Variants in YIPF2 observed in about 807,000 individuals in gnomAD.
YIPF2 encodes Yip1 domain family member 2.
YIPF2 carries 30 observed loss-of-function variants against 38.8 expected under a neutral mutation model. That is an observed-to-expected ratio of 0.77 (90% confidence interval 0.58 to 1.05). YIPF2 has a LOEUF of 1.05. YIPF2 is among the 50% of genes least tolerant of loss of function. The pLI is 0.00. For synonymous variants in YIPF2, 194 were observed against 183.8 expected, an observed-to-expected ratio of 1.06 and a Z score of -0.45; for missense variants, 401 against 409.7, an observed-to-expected ratio of 0.98 and a Z score of 0.18.
In YIPF2 at chr19:10,928,568, G is replaced by A; in HGVS notation, c.-88C>T. The stretch of plus-strand genomic sequence containing the variant: ...CTCGTCGTCCCGTCCCCACAGGTGC[G>A]CTCCGCCCCCCCTCACCTGAGGCCA... On this transcript the variant is annotated 5_prime_UTR_variant, in exon 1 of 10. Coordinates refer to ENST00000586748, the MANE Select transcript of YIPF2 (RefSeq NM_001321439.2). The A allele has an allele frequency of 1.8e-6, 2 of 1,084,478 alleles. No homozygotes were observed. Among genetic ancestry groups the A allele is most frequent in the Non-Finnish European group, 2.5e-6 (2 of 807,604 alleles). 67.2% of individuals were successfully genotyped at this position (1,084,478 alleles called of 1,614,324 possible). A position where few individuals can be genotyped will look rare whatever the true frequency, so the allele number is the denominator to read the frequency against.
chr19:10,925,905 C>CTTTTT (rs1164644174), intron 4 of YIPF2, 132 bp from the exon 5 acceptor site: 17 of 434,420 alleles, frequency 3.9e-5, no homozygotes, highest in Admixed American at 7.7e-5. Context: ...CTTTCCCTCT[C>CTTTTT]TTTTTTTTTT....
rs2074304188 is a variant in YIPF2 at position 10,923,530 on chromosome 19, CGACCACG to C, written c.792_798del (p.Val265CysfsTer84). On this transcript the variant is annotated frameshift_variant, in exon 8 of 10. Coordinates refer to ENST00000586748, the MANE Select transcript of YIPF2 (RefSeq NM_001321439.2). LOFTEE classifies it high-confidence loss of function. ...ATGGCCAGGAGGGCGTGGAGCAGCACGACCACGGACAGCAGCACTGTGGCCACCAGCC... is the reference window on the plus strand; with the variant it reads ...ATGGCCAGGAGGGCGTGGAGCAGCACGACAGCAGCACTGTGGCCACCAGCC... 2 of 1,612,404 alleles carry C rather than the reference CGACCACG, an allele frequency of 1.2e-6. No individual in the cohort carries two copies.
chr19:10,928,549 G>A lies in YIPF2; in HGVS notation c.-69C>T, dbSNP rs566680885. The A allele has an allele frequency of 1.4e-5, 16 of 1,181,560 alleles. 1 individual carries two copies. In the Admixed American group the frequency reaches 5.8e-4, roughly 43 times the overall value. The allele number at this position is 1,181,560 out of a possible 1,614,324, so 73.2% of individuals were successfully genotyped here. A position where few individuals can be genotyped will look rare whatever the true frequency, so the allele number is the denominator to read the frequency against. ...GCACCCACGGAGGCTTGAACTCGTC[G>A]TCCCGTCCCCACAGGTGCGCTCCGC... On this transcript the variant is annotated 5_prime_UTR_variant, in exon 1 of 10. It adds an upstream start codon to the 5' untranslated region. Coordinates refer to ENST00000586748, the MANE Select transcript of YIPF2 (RefSeq NM_001321439.2).
At chr19:10,924,513 T>C (rs2083388260) in intron 5 of YIPF2, among the ~76,000 whole-genome samples, 1 of 152,090 alleles carries the variant, frequency 6.6e-6, no homozygotes, top group Admixed American at 6.5e-5. Flanking sequence ...GCCCCTTCCA[T>C]GTCTGCGTTC....
rs1408379690 is a variant in YIPF2, at chr19:10,922,482, CAA to C, written c.*710_*711del. On this transcript the variant is annotated 3_prime_UTR_variant, in exon 10 of 10. Coordinates refer to ENST00000586748, the MANE Select transcript of YIPF2 (RefSeq NM_001321439.2). ...GCAGGTCCCCCCCCGCCCCCCCACT[CAA>C]GAGTTAGAGCAGGTGGCTGCAGGCC... 12 of 148,094 alleles carry C rather than the reference CAA, an allele frequency of 8.1e-5. No individual in the cohort carries two copies. Among genetic ancestry groups the C allele is most frequent in the Non-Finnish European group, 1.4e-4 (9 of 65,774 alleles). 9.2% of individuals were successfully genotyped at this position (148,094 alleles called of 1,614,324 possible). A position where few individuals can be genotyped will look rare whatever the true frequency, so the allele number is the denominator to read the frequency against.
chr19:10,927,683 C>A lies in YIPF2; in HGVS notation c.226G>T (p.Gly76Ter), dbSNP rs975469763. The change falls in exon 4 of 10, where the codon GGA becomes TGA. Residue 76 changes from glycine to a stop codon, truncating the protein, a stop_gained. Transcript: ENST00000586748. LOFTEE classifies it high-confidence loss of function. ...LQEQQQQQQP[G>*]FWTFSYYQSF... Reference sequence around the variant, plus strand: ...TGATAGTAGCTGAAGGTCCAGAATCCCGGCTGCTGCTGCTGCTGCTGCTCC... The same window carrying A: ...TGATAGTAGCTGAAGGTCCAGAATCACGGCTGCTGCTGCTGCTGCTGCTCC... 1 of 1,613,780 alleles carries A rather than the reference C, an allele frequency of 6.2e-7. No individual in the cohort carries two copies. Among genetic ancestry groups the A allele is most frequent in the Middle Eastern group, 1.6e-4 (1 of 6,062 alleles).
Position 10,928,545 on chromosome 19 carries a change from C to T in YIPF2, c.-65G>A, listed in dbSNP as rs2083462849. ...AACTGCACCCACGGAGGCTTGAACTCGTCGTCCCGTCCCCACAGGTGCGCT... is the reference window on the plus strand; with the variant it reads ...AACTGCACCCACGGAGGCTTGAACTTGTCGTCCCGTCCCCACAGGTGCGCT... On this transcript the variant is annotated 5_prime_UTR_variant, in exon 1 of 10. Coordinates refer to ENST00000586748, the MANE Select transcript of YIPF2 (RefSeq NM_001321439.2). 1 of 1,196,046 alleles carries T rather than the reference C, an allele frequency of 8.4e-7. No homozygotes were observed. Among genetic ancestry groups the T allele is most frequent in the Middle Eastern group, 3.0e-4 (1 of 3,338 alleles). The allele number at this position is 1,196,046 out of a possible 1,614,324, so 74.1% of individuals were successfully genotyped here.
At position 10,924,816 on chromosome 19, in the gene YIPF2, G is replaced by A. The variant is rs374259216; in HGVS notation, c.368-624C>T. On this transcript the variant is annotated intron_variant, in intron 5 of 9. Transcript: ENST00000586748. ...CCAGTCTCTTCTACTTCCCCAGCACGTTCCAGAATCCAGTGCCACTCTCCA... is the reference window on the plus strand; with the variant it reads ...CCAGTCTCTTCTACTTCCCCAGCACATTCCAGAATCCAGTGCCACTCTCCA... 7.6e-5 allele frequency among the ~76,000 whole-genome samples: 9 copies of A among 118,352 alleles called. No homozygotes were observed. In the East Asian group the frequency reaches 2.4e-3, roughly 31 times the overall value. The allele number at this position is 118,352 out of a possible 152,430, so 77.6% of individuals were successfully genotyped here.
rs200753643 is a variant in YIPF2, at chr19:10,928,372, G to A, written c.31+8C>T. 7.6e-5 allele frequency: 102 copies of A among 1,334,112 alleles called. No homozygotes were observed. The Admixed American group carries it at 2.3e-3, about 30-fold the overall frequency. 82.6% of individuals were successfully genotyped at this position (1,334,112 alleles called of 1,614,324 possible). On this transcript the variant is annotated splice_region_variant and intron_variant, in intron 2 of 9. Transcript: ENST00000586748. ...TGGGAGATCCGGCCACGTCGGGGCC[G>A]CACTCACCATGGAAGGTCAGCTCGT... is the stretch of plus-strand genomic sequence containing the variant.
At chr19:10,928,194 G>A (rs546014104) in intron 2 of YIPF2, among the ~76,000 whole-genome samples, 186 bp downstream of exon 2, 3 of 151,686 alleles carry the variant, frequency 2.0e-5, no homozygotes, top group South Asian at 2.1e-4. Context: ...GTCTGGGGAC[G>A]AGAGGCTCGG....
Position 10,924,134 on chromosome 19 carries a change from C to T in YIPF2, c.426G>A (p.Thr142=), listed in dbSNP as rs755113409. 44 of 1,613,598 alleles carry T rather than the reference C, an allele frequency of 2.7e-5. 1 individual carries two copies. Among genetic ancestry groups the T allele is most frequent in the Non-Finnish European group, 3.5e-5 (41 of 1,179,956 alleles). The change falls in exon 6 of 10, where the codon ACG becomes ACA. Residue 142 remains threonine (T), a synonymous_variant. Coordinates refer to ENST00000586748, the MANE Select transcript of YIPF2 (RefSeq NM_001321439.2). ...GGTCCCTCCTCTGGGCCAGCACCAG[C>T]GTCAGGTTGCCAGTGACGGCCAGGA... is the stretch of plus-strand genomic sequence containing the variant. ...AFVLAVTGNL[T]LVLAQRRDPS...
chr19:10,926,932 C>A (rs935443417), intron 4 of YIPF2, among the ~76,000 whole-genome samples: 2 of 152,152 alleles, frequency 1.3e-5, no homozygotes, highest in African/African-American at 4.8e-5. Context: ...TGCACTGGCA[C>A]GATCTTGGCT....
chr19:10,927,211 G>A (rs1163721267), intron 4 of YIPF2, among the ~76,000 whole-genome samples: 1 of 152,070 alleles, frequency 6.6e-6, no homozygotes, highest in East Asian at 1.9e-4. Context: ...GTTTCCCCAT[G>A]TTAGCCAGGC....
Position 10,927,955 on chromosome 19 carries a change from G to C in YIPF2, c.36C>G (p.Phe12Leu), listed in dbSNP as rs1189755214. Reference protein sequence around the residue: ...ASADELTFHEFEEATNLLADT... With the variant: ...ASADELTFHELEEATNLLADT... ...CAGCCAGAAGATTAGTGGCCTCCTCGAATTCTGTGGAGGAGGTATATGGGA... is the reference window on the plus strand; with the variant it reads ...CAGCCAGAAGATTAGTGGCCTCCTCCAATTCTGTGGAGGAGGTATATGGGA... Residue 12 changes from phenylalanine to leucine, a missense_variant, in exon 3 of 10, where the codon TTC (phenylalanine) becomes TTG (leucine). Phe to Leu is a conservative substitution (Grantham distance 22). Coordinates refer to ENST00000586748, the MANE Select transcript of YIPF2 (RefSeq NM_001321439.2). 1 of 1,604,670 alleles carries C rather than the reference G, an allele frequency of 6.2e-7. No individual in the cohort carries two copies. Among genetic ancestry groups the C allele is most frequent in the African/African-American group, 1.3e-5 (1 of 74,726 alleles).
chr19:10,924,193 C>T lies in YIPF2; in HGVS notation c.368-1G>A, dbSNP rs1317091032. ...AACGTGGCACAGATCCAGAAGGGGC[C>T]TGGGGGTAGGGGGCACAGTCAGGGT... On this transcript the variant is annotated splice_acceptor_variant, in intron 5 of 9. Transcript: ENST00000586748. LOFTEE classifies it high-confidence loss of function. The T allele has an allele frequency of 6.2e-7, 1 of 1,609,812 alleles. No individual in the cohort carries two copies. The highest frequency in any genetic ancestry group is 1.7e-5 in the Admixed American group (1 of 59,954).
chr19:10,923,979 T>G lies in YIPF2; in HGVS notation c.505A>C (p.Ile169Leu). 2 of 1,613,130 alleles carry G rather than the reference T, an allele frequency of 1.2e-6. No homozygotes were observed. The highest frequency in any genetic ancestry group is 1.7e-6 in the Non-Finnish European group (2 of 1,179,626). The stretch of plus-strand genomic sequence containing the variant: ...GGCACCAGCCACGCATAGCAGTAGA[T>G]GCTGATGCCTGCCACGGTCACTGGG... Reference protein sequence around the residue: ...FHKVTVAGISIYCYAWLVPLA... With the variant: ...FHKVTVAGISLYCYAWLVPLA... Residue 169 changes from isoleucine to leucine, a missense_variant, in exon 7 of 10, where the codon ATC becomes CTC. By Grantham distance (5) the Ile-to-Leu change is conservative. Transcript: ENST00000586748.
chr19:10,924,022 T>G (rs1297612979), intron 6 of YIPF2, 23 bp from the exon 7 acceptor site: 1 of 1,612,436 alleles, frequency 6.2e-7, no homozygotes. Flanking sequence ...AGGTGAGCAG[T>G]CACCCCCTGT....
rs757352556 is a variant in YIPF2, at chr19:10,927,685, G to GGCTGCT, written c.218_223dup (p.Gln73_Gln74dup). On this transcript the variant is annotated inframe_insertion, in exon 4 of 10. Coordinates refer to ENST00000586748, the MANE Select transcript of YIPF2 (RefSeq NM_001321439.2). ...ATAGTAGCTGAAGGTCCAGAATCCC[G>GGCTGCT]GCTGCTGCTGCTGCTGCTGCTCCTG... 4.3e-5 allele frequency: 70 copies of GGCTGCT among 1,613,508 alleles called. 1 individual carries two copies. Among genetic ancestry groups the GGCTGCT allele is most frequent in the East Asian group, 4.0e-4 (18 of 44,882 alleles).
chr19:10,928,596 T>G lies in YIPF2; in HGVS notation c.-116A>C. The G allele has an allele frequency of 1.1e-6, 1 of 934,414 alleles. No homozygotes were observed. The highest frequency in any genetic ancestry group is 2.0e-5 in the South Asian group (1 of 49,084). The allele number at this position is 934,414 out of a possible 1,614,324, so 57.9% of individuals were successfully genotyped here. ...CCGCCCCCCCTCACCTGAGGCCACC[T>G]GGGCCGGCGTGGCTGGGGCTCTCTG... On this transcript the variant is annotated 5_prime_UTR_variant, in exon 1 of 10. Coordinates refer to ENST00000586748, the MANE Select transcript of YIPF2 (RefSeq NM_001321439.2).
Sources: gnomAD v4.1 joint callset for allele counts (sites outside exome capture counted in the v4.1 genomes callset) on GRCh38, gnomAD v4.1.1 for gene constraint, MANE v1.5 for transcripts, NCBI Gene and HGNC (gene_info 2026-07-23, HGNC 2026-07-21) for gene names.